Variants in ATP8A2 observed in about 807,000 individuals in gnomAD.
ATP8A2 encodes the protein ATPase phospholipid transporting 8A2.
ATP8A2 carries 100 observed loss-of-function variants against 165.6 expected under a neutral mutation model. The observed-to-expected ratio is 0.60, with a 90% confidence interval of 0.51 to 0.71. ATP8A2 has a LOEUF of 0.71. Ranked by LOEUF, ATP8A2 falls within the 30% of genes least tolerant of loss-of-function variation. The pLI is 0.00. For missense variants in ATP8A2, 1,227 were observed against 1,479.5 expected (o/e 0.83, Z 2.80); for synonymous variants, 543 against 548.8 (o/e 0.99, Z 0.15).
intron 27 of ATP8A2, among the ~76,000 whole-genome samples, chr13:25,803,191 G>T (rs945439204): frequency 7.9e-5 from 12 of 152,044 alleles, no homozygotes; most frequent in Non-Finnish European, 1.5e-5. Context: ...ACCACATTTT[G>T]GTTGAATGAC....
At chr13:25,784,998 C>T (rs915335858) in intron 27 of ATP8A2, among the ~76,000 whole-genome samples, 1 of 151,988 alleles carries the variant, frequency 6.6e-6, no homozygotes, top group Non-Finnish European at 1.5e-5. Context: ...CTCCTAGCCT[C>T]ATGATCTGCC....
At chr13:25,453,271 C>T (rs530310858) in intron 1 of ATP8A2, among the ~76,000 whole-genome samples, 10 of 151,654 alleles carry the variant, frequency 6.6e-5, no homozygotes, top group South Asian at 6.3e-4. Flanking sequence ...GGATTACAGG[C>T]GCCTGCCACC....
chr13:25,484,281 G>A (rs956650569), intron 2 of ATP8A2, among the ~76,000 whole-genome samples: 1 of 152,088 alleles, frequency 6.6e-6, no homozygotes, highest in Admixed American at 6.6e-5. Context: ...CTTAAACTTG[G>A]TCCACATGTA....
intron 25 of ATP8A2, among the ~76,000 whole-genome samples, chr13:25,738,567 T>C (rs2138132706): frequency 6.6e-6 from 1 of 152,162 alleles, no homozygotes; most frequent in South Asian, 2.1e-4. Flanking sequence ...TGGTGAAGGG[T>C]GGGAAGGGGC....
intron 25 of ATP8A2, among the ~76,000 whole-genome samples, chr13:25,704,974 T>C (rs933419435): frequency 6.6e-6 from 1 of 152,204 alleles, no homozygotes; most frequent in African/African-American, 2.4e-5. Flanking sequence ...AAGTTTTGCT[T>C]TTCACATATT....
At position 25,933,930 on chromosome 13, in the gene ATP8A2, G is replaced by C. The variant is rs306406; in HGVS notation, c.3184-27645G>C. 2.1e-3 allele frequency among the ~76,000 whole-genome samples: 327 copies of C among 152,342 alleles called. 2 individuals carry two copies. The highest frequency in any genetic ancestry group is 7.3e-3 in the African/African-American group (303 of 41,594). On this transcript the variant is annotated intron_variant, in intron 33 of 36. Coordinates refer to ENST00000381655, the MANE Select transcript of ATP8A2 (RefSeq NM_016529.6). ...ATCACAGCCACAGCAAGACCTGGAG[G>C]CAGGCAGCTCTGTCTCTTGGGGCTG...
At chr13:25,741,686 G>T (rs1356695926) in intron 25 of ATP8A2, among the ~76,000 whole-genome samples, 2 of 151,976 alleles carry the variant, frequency 1.3e-5, no homozygotes, top group Non-Finnish European at 2.9e-5. Flanking sequence ...CAACATTTTA[G>T]ATCTTAATTG....
rs115240665 is a variant in ATP8A2, at chr13:25,428,847, A to C, written c.77-40130A>C. ...GAGAAAAAGGGAGAGAAGTGGAGGC[A>C]GCACAGAGGCGTGATGGCCTCTGTC... is the stretch of plus-strand genomic sequence containing the variant. On this transcript the variant is annotated intron_variant, in intron 1 of 36. Coordinates refer to ENST00000381655, the MANE Select transcript of ATP8A2 (RefSeq NM_016529.6). Among the ~76,000 whole-genome samples, 1,057 of 152,324 alleles carry C rather than the reference A, an allele frequency of 6.9e-3. 10 individuals are homozygous for C. Among genetic ancestry groups the C allele is most frequent in the African/African-American group, 0.024 (977 of 41,566 alleles).
chr13:25,924,668 A>T (rs1954548849), intron 33 of ATP8A2, among the ~76,000 whole-genome samples: 1 of 152,014 alleles, frequency 6.6e-6, no homozygotes, highest in African/African-American at 2.4e-5. Context: ...ATGTATAATG[A>T]TATTTTTTTC....
chr13:25,977,775 C>A (rs1956089284), intron 35 of ATP8A2, among the ~76,000 whole-genome samples: 1 of 152,140 alleles, frequency 6.6e-6, no homozygotes, highest in South Asian at 2.1e-4. Flanking sequence ...GAAATCTAAT[C>A]AGGAGCTTAG....
intron 27 of ATP8A2, among the ~76,000 whole-genome samples, chr13:25,821,169 G>T (rs1951171252): frequency 6.6e-6 from 1 of 152,178 alleles, no homozygotes; most frequent in Non-Finnish European, 1.5e-5. Context: ...TGCCAACTTG[G>T]ACAGAATCAG....
At chr13:25,803,878 A>G (rs1398975137) in intron 27 of ATP8A2, among the ~76,000 whole-genome samples, 1 of 152,246 alleles carries the variant, frequency 6.6e-6, no homozygotes, top group Non-Finnish European at 1.5e-5. Context: ...GTTTGCACAC[A>G]GTACTCAATC....
At chr13:25,905,328 C>T (rs1023972591) in intron 33 of ATP8A2, among the ~76,000 whole-genome samples, 1 of 152,156 alleles carries the variant, frequency 6.6e-6, no homozygotes, top group Non-Finnish European at 1.5e-5. Context: ...TTCTCTTCCT[C>T]TCCGAATTTA....
chr13:25,800,662 A>G (rs979005655), intron 27 of ATP8A2, among the ~76,000 whole-genome samples: 4 of 152,110 alleles, frequency 2.6e-5, no homozygotes, highest in African/African-American at 7.2e-5. Context: ...AGAAGTACAT[A>G]TGTCTCCATG....
intron 27 of ATP8A2, among the ~76,000 whole-genome samples, chr13:25,810,748 G>A (rs1950848585): frequency 6.6e-6 from 1 of 152,124 alleles, no homozygotes; most frequent in African/African-American, 2.4e-5. Context: ...GCAATAGGGT[G>A]TGGAGAAAGA....
chr13:26,002,578 A>AC (rs201321303), intron 35 of ATP8A2, among the ~76,000 whole-genome samples: 2 of 149,980 alleles, frequency 1.3e-5, no homozygotes, highest in Admixed American at 6.6e-5. Flanking sequence ...AAAAAAAAAA[A>AC]CTCACTCCTT....
At chr13:25,578,996 C>T in intron 21 of ATP8A2, 97 bp downstream of exon 21, 2 of 823,536 alleles carry the variant, frequency 2.4e-6, no homozygotes, top group Non-Finnish European at 4.2e-6. Flanking sequence ...AGTGCCTGCC[C>T]CATCCCCTCC....
At chr13:25,588,655 G>T (rs1217278212) in intron 23 of ATP8A2, among the ~76,000 whole-genome samples, 1 of 152,192 alleles carries the variant, frequency 6.6e-6, no homozygotes, top group Non-Finnish European at 1.5e-5. Context: ...ATTATCTTAA[G>T]GTGCTGAGAC....
At chr13:25,650,153 G>A (rs947713572) in intron 24 of ATP8A2, among the ~76,000 whole-genome samples, 1 of 152,234 alleles carries the variant, frequency 6.6e-6, no homozygotes, top group African/African-American at 2.4e-5. Flanking sequence ...GTGGGGCAAT[G>A]TTGTCAAAGT....
Sources: gnomAD v4.1 joint callset for allele counts (sites outside exome capture counted in the v4.1 genomes callset) on GRCh38, gnomAD v4.1.1 for gene constraint, MANE v1.5 for transcripts, NCBI Gene and HGNC (gene_info 2026-07-23, HGNC 2026-07-21) for gene names.